MLLT10: variants seen among roughly 807,000 people sequenced by gnomAD.
MLLT10 encodes protein AF-10.
Under a neutral mutation model 129.1 loss-of-function variants are expected in MLLT10, and 30 were observed. That is an observed-to-expected ratio of 0.23 (90% confidence interval 0.17 to 0.32). The LOEUF is 0.32. MLLT10 is among the 10% of genes least tolerant of loss of function. The pLI is 1.00. For missense variants in MLLT10, 1,119 were observed against 1,268.3 expected (o/e 0.88, Z 1.79); for synonymous variants, 490 against 446.4 (o/e 1.10, Z -1.23).
At chr10:21,608,429 A>T (rs2044277085) in intron 5 of MLLT10, among the ~76,000 whole-genome samples, 1 of 151,960 alleles carries the variant, frequency 6.6e-6, no homozygotes. Flanking sequence ...CTCCTGCTTC[A>T]GCCTCTCAAA....
intron 14 of MLLT10, among the ~76,000 whole-genome samples, chr10:21,722,219 G>A (rs2057184365): frequency 6.6e-6 from 1 of 152,124 alleles, no homozygotes. Flanking sequence ...CTCCCCTAGT[G>A]TTAACTTATA....
intron 8 of MLLT10, among the ~76,000 whole-genome samples, chr10:21,629,803 A>C (rs2046834233): frequency 6.6e-6 from 1 of 152,172 alleles, no homozygotes; most frequent in African/African-American, 2.4e-5. Flanking sequence ...GAGAGTACTT[A>C]ACTCTTAAGA....
chr10:21,559,881 C>G (rs1389438700), intron 3 of MLLT10, among the ~76,000 whole-genome samples: 4 of 151,858 alleles, frequency 2.6e-5, no homozygotes, highest in Non-Finnish European at 5.9e-5. Context: ...TTGTTTCTAC[C>G]TTTTTGCTAT....
At chr10:21,619,877 ACTAT>A (rs2045626043) in intron 8 of MLLT10, among the ~76,000 whole-genome samples, 1 of 151,454 alleles carries the variant, frequency 6.6e-6, no homozygotes, top group East Asian at 1.9e-4. Context: ...AGTGTTATAG[ACTAT>A]CTTTTTCTCC....
chr10:21,621,145 G>A (rs1464196729), intron 8 of MLLT10, among the ~76,000 whole-genome samples: 7 of 150,914 alleles, frequency 4.6e-5, no homozygotes, highest in Non-Finnish European at 8.9e-5. Context: ...CACCACGCCC[G>A]GCTAATTTTT....
intron 16 of MLLT10, among the ~76,000 whole-genome samples, chr10:21,729,753 ATG>A (rs2057801308): frequency 1.3e-5 from 2 of 152,208 alleles, no homozygotes; most frequent in African/African-American, 4.8e-5. Context: ...TGGAGATCAT[ATG>A]AGATATATAC....
intron 13 of MLLT10, among the ~76,000 whole-genome samples, chr10:21,707,381 C>T (rs1196591202): frequency 4.0e-5 from 6 of 151,590 alleles, no homozygotes; most frequent in Non-Finnish European, 7.4e-5. Context: ...TTAGTAGAGA[C>T]GGGGTTTCAC....
At chr10:21,627,541 T>C (rs953475897) in intron 8 of MLLT10, among the ~76,000 whole-genome samples, 1 of 152,246 alleles carries the variant, frequency 6.6e-6, no homozygotes, top group Non-Finnish European at 1.5e-5. Flanking sequence ...TATGTCCTTA[T>C]TCATTGTCTT....
At chr10:21,652,394 G>T (rs2049133117) in intron 9 of MLLT10, among the ~76,000 whole-genome samples, 1 of 152,132 alleles carries the variant, frequency 6.6e-6, no homozygotes, top group South Asian at 2.1e-4. Context: ...GAGTGTTTAG[G>T]TTAATTAACC....
At position 21,654,215 on chromosome 10, in the gene MLLT10, T is replaced by C. The variant is rs531605031; in HGVS notation, c.795+2447T>C. ...GGGGAGAAAAGTCAGACAGTGTGTG[T>C]AAATGAGGAGCTTTGCTATGAAGAG... On this transcript the variant is annotated intron_variant, in intron 9 of 22. Transcript: ENST00000307729. 1.2e-3 allele frequency among the ~76,000 whole-genome samples: 181 copies of C among 152,228 alleles called. 2 individuals carry two copies. Among genetic ancestry groups the C allele is most frequent in the African/African-American group, 4.2e-3 (175 of 41,532 alleles).
At chr10:21,563,700 T>A (rs2039149851) in intron 3 of MLLT10, among the ~76,000 whole-genome samples, 1 of 152,076 alleles carries the variant, frequency 6.6e-6, no homozygotes, top group Non-Finnish European at 1.5e-5. Context: ...TTATTAAGAA[T>A]AAAACTGTTA....
chr10:21,580,193 T>C (rs929333454), intron 3 of MLLT10, among the ~76,000 whole-genome samples: 22 of 151,866 alleles, frequency 1.4e-4, no homozygotes, highest in Non-Finnish European at 2.9e-4. Flanking sequence ...TTATAGTTTC[T>C]TTTTTATTGT....
chr10:21,717,636 TCC>T (rs1246954979), intron 14 of MLLT10, among the ~76,000 whole-genome samples: 4 of 137,494 alleles, frequency 2.9e-5, no homozygotes, highest in Admixed American at 7.3e-5. Context: ...CTCCTCCTCC[TCC>T]TTTTCCTCCT....
At chr10:21,633,794 C>T (rs2047211553) in intron 8 of MLLT10, among the ~76,000 whole-genome samples, 1 of 152,140 alleles carries the variant, frequency 6.6e-6, no homozygotes, top group African/African-American at 2.4e-5. Context: ...TCTATATAGC[C>T]ACAATGTAAT....
chr10:21,585,903 A>C (rs1703965193), intron 3 of MLLT10, among the ~76,000 whole-genome samples: 1 of 152,086 alleles, frequency 6.6e-6, no homozygotes, highest in East Asian at 1.9e-4. Flanking sequence ...CTGGGATTAC[A>C]GGCATGCGCT....
chr10:21,699,390 T>G (rs1288094968), intron 13 of MLLT10, among the ~76,000 whole-genome samples: 1 of 152,176 alleles, frequency 6.6e-6, no homozygotes, highest in Admixed American at 6.5e-5. Context: ...GGTTTTTAGT[T>G]TAATGTAGTC....
intron 3 of MLLT10, among the ~76,000 whole-genome samples, chr10:21,555,080 C>T (rs1472742696): frequency 6.6e-6 from 1 of 152,022 alleles, no homozygotes. Context: ...CTTGGCCTCC[C>T]GAAGTGCTGG....
intron 3 of MLLT10, among the ~76,000 whole-genome samples, chr10:21,550,340 C>T (rs1035357497): frequency 6.6e-6 from 1 of 152,148 alleles, no homozygotes; most frequent in Non-Finnish European, 1.5e-5. Flanking sequence ...TAGTCCAGCA[C>T]ATGGTTTTCT....
chr10:21,693,440 A>G lies in MLLT10; in HGVS notation c.1699+11183A>G, dbSNP rs535658942. Among the ~76,000 whole-genome samples the G allele has an allele frequency of 5.3e-5, 8 of 152,090 alleles. No homozygotes were observed. In the South Asian group the frequency reaches 1.5e-3, roughly 28 times the overall value. ...TGTCACCATCTCTTATGTTTTCATC[A>G]ATCGTGCTCTTAGTATCTTTCCTCT... On this transcript the variant is annotated intron_variant, in intron 13 of 22. Transcript: ENST00000307729.
Sources: gnomAD v4.1 joint callset for allele counts (sites outside exome capture counted in the v4.1 genomes callset) on GRCh38, gnomAD v4.1.1 for gene constraint, MANE v1.5 for transcripts, NCBI Gene and HGNC (gene_info 2026-07-23, HGNC 2026-07-21) for gene names.